CMTR1: variants seen among roughly 807,000 people sequenced by gnomAD.
CMTR1 encodes cap methyltransferase 1, also known as cap-specific mRNA (nucleoside-2'-O-)-methyltransferase 1.
A neutral mutation model predicts 107.0 loss-of-function variants in CMTR1; 39 were observed. The ratio of observed to expected loss-of-function variants is 0.36; its 90% confidence interval spans 0.28 to 0.48. CMTR1 has a LOEUF of 0.48. Among genes scored for constraint, CMTR1 ranks in the 20% least tolerant of loss-of-function variants. The pLI is 0.99. For synonymous variants in CMTR1, 366 were observed against 379.5 expected (o/e 0.96, Z 0.41); for missense variants, 672 against 1,064.9 (o/e 0.63, Z 5.14).
chr6:37,448,200 G>A (rs1581733601), intron 4 of CMTR1, among the ~76,000 whole-genome samples: 1 of 104,078 alleles, frequency 9.6e-6, no homozygotes, highest in East Asian at 2.6e-4. Flanking sequence ...AACAGTGAGA[G>A]ATTCCGTCTC....
intron 10 of CMTR1, among the ~76,000 whole-genome samples, chr6:37,459,948 C>A (rs1434104879): frequency 6.6e-6 from 1 of 152,154 alleles, no homozygotes; most frequent in East Asian, 1.9e-4. Flanking sequence ...CACCTGTAAG[C>A]CTCTCATAGG....
intron 3 of CMTR1, among the ~76,000 whole-genome samples, chr6:37,445,484 CTT>C (rs370310831): frequency 3.7e-5 from 4 of 109,184 alleles, no homozygotes; most frequent in Non-Finnish European, 3.5e-5. Flanking sequence ...CATACCTCAC[CTT>C]TTTTTTTTTT....
At position 37,444,105 on chromosome 6, in the gene CMTR1, T is replaced by A. The variant is rs1422482928; in HGVS notation, c.240T>A (p.Thr80=). Residue 80 remains threonine (T), a synonymous_variant, in exon 3 of 24, where the codon ACT becomes ACA. Transcript: ENST00000373451. ...AFKADSLVEG[T]SSRYSMYNSV... is the part of the protein sequence containing the mutation. ...AAGCAGACTCTCTTGTGGAAGGAAC[T>A]TCTTCTCGCTATTCCATGTATAATA... 4.3e-6 allele frequency: 7 copies of A among 1,613,978 alleles called. No individual in the cohort carries two copies. The highest frequency in any genetic ancestry group is 1.7e-5 in the Admixed American group (1 of 60,000).
intron 8 of CMTR1, among the ~76,000 whole-genome samples, chr6:37,455,356 C>T (rs747358221): frequency 1.4e-4 from 21 of 152,104 alleles, no homozygotes; most frequent in Non-Finnish European, 2.8e-4. Flanking sequence ...TGGGATTGCA[C>T]GCGTGAGCTA....
At chr6:37,473,627 C>T (rs761401351) in intron 17 of CMTR1, 26 bp downstream of exon 17, 12 of 1,608,350 alleles carry the variant, frequency 7.5e-6, no homozygotes, top group Non-Finnish European at 1.0e-5. Flanking sequence ...GCTTCCTGCC[C>T]AGCTTGGAAT....
intron 18 of CMTR1, 86 bp downstream of exon 18, chr6:37,474,732 T>C (rs1248800868): frequency 3.8e-6 from 6 of 1,563,276 alleles, no homozygotes; most frequent in Non-Finnish European, 5.2e-6. Context: ...TGAGTTAACT[T>C]GGTTACATTG....
chr6:37,449,501 G>A (rs1285647932), intron 4 of CMTR1, among the ~76,000 whole-genome samples: 5 of 152,034 alleles, frequency 3.3e-5, no homozygotes, highest in African/African-American at 7.2e-5. Context: ...TAGAGACGGG[G>A]TTTCACCATG....
At chr6:37,461,727 G>A in intron 11 of CMTR1, 82 bp downstream of exon 11, 1 of 1,024,240 alleles carries the variant, frequency 9.8e-7, no homozygotes, top group Non-Finnish European at 1.4e-6. Flanking sequence ...GGGGTTGGTG[G>A]GGAAGTTAAA....
chr6:37,424,944 C>CTT, the CMTR1 span, among the ~76,000 whole-genome samples: 32 of 101,380 alleles, frequency 3.2e-4, no homozygotes, highest in Non-Finnish European at 4.9e-4. Flanking sequence ...TTTTCCCTCA[C>CTT]TTTTTTTTTT....
chr6:37,456,422 G>A (rs1274470061), intron 8 of CMTR1, among the ~76,000 whole-genome samples: 2 of 152,186 alleles, frequency 1.3e-5, no homozygotes, highest in African/African-American at 4.8e-5. Flanking sequence ...GGCTTGTCAC[G>A]GGATGATGAC....
At chr6:37,436,143 C>T (rs775944859) in intron 2 of CMTR1, among the ~76,000 whole-genome samples, 17 of 152,126 alleles carry the variant, frequency 1.1e-4, no homozygotes, top group Non-Finnish European at 1.3e-4. Context: ...GGCCGTCGAG[C>T]CTAATTTTCA....
rs1193085662 is a variant in CMTR1, at chr6:37,453,307, T to C, written c.772T>C (p.Tyr258His). ...DRMFTNPRDS[Y>H]GKPLVKDREA... ...CATGTTCACAAATCCGCGGGACTCT[T>C]ATGGGGTGAGAACAAGATTCTGCTT... The change falls in exon 8 of 24, where the codon TAT (tyrosine) becomes CAT (histidine). Residue 258 changes from tyrosine (Y) to histidine (H), a missense_variant. By Grantham distance (83) the Tyr-to-His change is moderately conservative (BLOSUM62 2). Coordinates refer to ENST00000373451, the MANE Select transcript of CMTR1 (RefSeq NM_015050.3). The C allele has an allele frequency of 6.2e-7, 1 of 1,614,040 alleles. No individual in the cohort carries two copies. Among genetic ancestry groups the C allele is most frequent in the Non-Finnish European group, 8.5e-7 (1 of 1,179,894 alleles).
At chr6:37,465,489 A>G (rs1302030201) in intron 13 of CMTR1, among the ~76,000 whole-genome samples, 2 of 152,056 alleles carry the variant, frequency 1.3e-5, no homozygotes, top group African/African-American at 4.8e-5. Context: ...TTATGTGCTT[A>G]TTGGCTATTT....
rs373507630 is a variant in CMTR1, at chr6:37,435,617, G to A, written c.-6-7G>A. ...GGGCAGCTGACTGACTGGATTTATG[G>A]TTACAGTTAACGATGAAGAGGAGAA... On this transcript the variant is annotated splice_polypyrimidine_tract_variant and splice_region_variant and intron_variant, in intron 1 of 23. Transcript: ENST00000373451. 15 of 1,590,060 alleles carry A rather than the reference G, an allele frequency of 9.4e-6. No homozygotes were observed. The highest frequency in any genetic ancestry group is 1.4e-5 in the African/African-American group (1 of 73,274).
chr6:37,469,809 T>C (rs1402157322), intron 13 of CMTR1, among the ~76,000 whole-genome samples: 1 of 152,066 alleles, frequency 6.6e-6, no homozygotes, highest in African/African-American at 2.4e-5. Flanking sequence ...ATTACAGGTG[T>C]GAGCCACCGC....
At chr6:37,474,434 A>G in intron 17 of CMTR1, 90 bp from the exon 18 acceptor site, 1 of 1,473,708 alleles carries the variant, frequency 6.8e-7, no homozygotes, top group Non-Finnish European at 9.3e-7. Context: ...ATCAGTTTGT[A>G]GCTGCCAACT....
At chr6:37,428,008 C>CAGAGAGAGAG in the CMTR1 span, among the ~76,000 whole-genome samples, 1,632 of 114,684 alleles carry the variant, frequency 0.014, 57 homozygotes, top group South Asian at 0.023. Context: ...GCAACAGAGA[C>CAGAGAGAGAG]AGAGAGAGAG....
intron 8 of CMTR1, among the ~76,000 whole-genome samples, chr6:37,454,457 T>A (rs1761248969): frequency 6.6e-6 from 1 of 152,234 alleles, no homozygotes; most frequent in Non-Finnish European, 1.5e-5. Context: ...GTTGATATAA[T>A]GTTGATTTAA....
Position 37,444,106 on chromosome 6 carries a change from T to A in CMTR1, c.241T>A (p.Ser81Thr), listed in dbSNP as rs1187082437. Residue 81 changes from serine (S) to threonine (T), a missense_variant, in exon 3 of 24, where the codon TCT becomes ACT. Transcript: ENST00000373451. ...FKADSLVEGT[S>T]SRYSMYNSVS... is the part of the protein sequence containing the mutation. Reference sequence around the variant, plus strand: ...AGCAGACTCTCTTGTGGAAGGAACTTCTTCTCGCTATTCCATGTATAATAG... The same window carrying A: ...AGCAGACTCTCTTGTGGAAGGAACTACTTCTCGCTATTCCATGTATAATAG... 5.0e-6 allele frequency: 8 copies of A among 1,613,990 alleles called. No individual in the cohort carries two copies. The highest frequency in any genetic ancestry group is 2.2e-5 in the South Asian group (2 of 91,092).
Sources: allele counts gnomAD v4.1 joint callset (sites outside exome capture counted in the v4.1 genomes callset), GRCh38; gene constraint gnomAD v4.1.1; transcripts MANE v1.5; gene names NCBI Gene and HGNC (gene_info 2026-07-23, HGNC 2026-07-21).